Variants in PTPRZ1 observed in about 807,000 individuals in gnomAD.
PTPRZ1 encodes the protein receptor-type tyrosine-protein phosphatase zeta.
PTPRZ1 carries 82 observed loss-of-function variants against 214.1 expected under a neutral mutation model. The observed-to-expected ratio is 0.38, with a 90% CI of 0.32 to 0.46. The LOEUF (loss-of-function observed/expected upper bound fraction) is 0.46. Among genes scored for constraint, PTPRZ1 ranks in the 20% least tolerant of loss-of-function variants. PTPRZ1 has a pLI of 1.00. For synonymous variants in PTPRZ1, 945 were observed against 987.9 expected (o/e 0.96, Z 0.81); for missense variants, 2,603 against 2,748.7 (o/e 0.95, Z 1.19).
chr7:121,892,135 G>A (rs1380511627), intron 1 of PTPRZ1, among the ~76,000 whole-genome samples: 1 of 152,010 alleles, frequency 6.6e-6, no homozygotes, highest in Non-Finnish European at 1.5e-5. Flanking sequence ...TAGCATTTGG[G>A]GTTGGGCTGT....
intron 2 of PTPRZ1, among the ~76,000 whole-genome samples, chr7:121,952,801 G>T (rs1796597244): frequency 6.6e-6 from 1 of 152,142 alleles, no homozygotes; most frequent in Admixed American, 6.5e-5. Flanking sequence ...CTATTGCAAT[G>T]AGTCTATTTG....
At position 122,011,717 on chromosome 7, in the gene PTPRZ1, G is replaced by A. The variant is rs1325643420; in HGVS notation, c.2671G>A (p.Glu891Lys). Residue 891 changes from glutamate (E) to lysine (K), a missense_variant, in exon 12 of 30, where the codon GAA becomes AAA. By Grantham distance (56) the Glu-to-Lys change is moderately conservative (BLOSUM62 1). This residue lies in a region of PTPRZ1 where 1,913 missense variants were observed against 1,914.3 expected (regional missense o/e 1.00). Coordinates refer to ENST00000393386, the MANE Select transcript of PTPRZ1 (RefSeq NM_002851.3). Reference sequence around the variant, plus strand: ...TACTCATGCTGCTTCAGAGACGCTGGAATTTGGTAGTGAATCTGGTGTTCT... The same window carrying A: ...TACTCATGCTGCTTCAGAGACGCTGAAATTTGGTAGTGAATCTGGTGTTCT... ...STTHAASETL[E>K]FGSESGVLYK... 3 of 1,614,004 alleles carry A rather than the reference G, an allele frequency of 1.9e-6. No individual in the cohort carries two copies. Among genetic ancestry groups the A allele is most frequent in the African/African-American group, 1.3e-5 (1 of 74,906 alleles).
At chr7:121,913,223 T>C (rs1795329275) in intron 1 of PTPRZ1, among the ~76,000 whole-genome samples, 3 of 152,020 alleles carry the variant, frequency 2.0e-5, no homozygotes, top group South Asian at 4.1e-4. Context: ...AAGGAGAAAG[T>C]AGAGATACCC....
At chr7:121,971,220 G>A (rs902804117) in intron 3 of PTPRZ1, among the ~76,000 whole-genome samples, 4 of 151,942 alleles carry the variant, frequency 2.6e-5, no homozygotes, top group Non-Finnish European at 5.9e-5. Flanking sequence ...ATTATATATT[G>A]TAAGCAAAAA....
At chr7:121,930,069 G>A (rs1424014001) in intron 2 of PTPRZ1, among the ~76,000 whole-genome samples, 6 of 151,306 alleles carry the variant, frequency 4.0e-5, no homozygotes. Flanking sequence ...TTTTTTATTA[G>A]CCATTTGCAC....
At chr7:121,958,991 T>G (rs1275919205) in intron 2 of PTPRZ1, among the ~76,000 whole-genome samples, 3 of 152,116 alleles carry the variant, frequency 2.0e-5, no homozygotes, top group Admixed American at 1.3e-4. Flanking sequence ...GGCTGGCTAA[T>G]TTTTTGTATT....
At chr7:121,881,670 G>C (rs1403895824) in intron 1 of PTPRZ1, among the ~76,000 whole-genome samples, 2 of 152,156 alleles carry the variant, frequency 1.3e-5, no homozygotes, top group African/African-American at 2.4e-5. Flanking sequence ...CAGCTTCAGA[G>C]TAACCCTAGA....
intron 3 of PTPRZ1, among the ~76,000 whole-genome samples, chr7:121,968,755 G>GT (rs772761519): frequency 6.6e-6 from 1 of 150,494 alleles, no homozygotes; most frequent in East Asian, 1.9e-4. Flanking sequence ...TGATATTCTA[G>GT]TTTTTTTAAA....
intron 1 of PTPRZ1, among the ~76,000 whole-genome samples, chr7:121,875,818 G>C (rs1794041593): frequency 6.6e-6 from 1 of 152,106 alleles, no homozygotes; most frequent in Admixed American, 6.5e-5. Flanking sequence ...AAAAAGTTAG[G>C]CTCCATTTCA....
At position 122,038,774 on chromosome 7, in the gene PTPRZ1, C is replaced by A; in HGVS notation, c.5387C>A (p.Ala1796Asp). 6.2e-7 allele frequency: 1 copy of A among 1,613,646 alleles called. No individual in the cohort carries two copies. Among genetic ancestry groups the A allele is most frequent in the Non-Finnish European group, 8.5e-7 (1 of 1,179,728 alleles). The change falls in exon 19 of 30, where the codon GCT becomes GAT. Residue 1796 changes from alanine to aspartate, a missense_variant. Ala to Asp is a moderately radical substitution (Grantham distance 126). Coordinates refer to ENST00000393386, the MANE Select transcript of PTPRZ1 (RefSeq NM_002851.3). ...CTTCAGGGCTACAACAGACCAAAAG[C>A]TTATATTGCTGCCCAAGGCCCACTG... The part of the protein sequence containing the change: ...NYVDGYNRPK[A>D]YIAAQGPLKS...
intron 13 of PTPRZ1, chr7:122,028,328 T>C (rs921571504): frequency 5.1e-6 from 2 of 389,190 alleles, no homozygotes; most frequent in Non-Finnish European, 9.3e-6. Context: ...ATGCCTGATA[T>C]CTACTTGCTC....
chr7:122,050,494 G>T (rs1792145083), intron 23 of PTPRZ1, among the ~76,000 whole-genome samples: 1 of 151,144 alleles, frequency 6.6e-6, no homozygotes, highest in Non-Finnish European at 1.5e-5. Context: ...GCACAGCAGG[G>T]CATATATTGG....
rs772640844 is a variant in PTPRZ1, at chr7:122,031,519, C to A, written c.5126C>A (p.Ala1709Glu). ...IPIKHFPKHV[A>E]DLHASSGFTE... ...ATAAAGCACTTTCCAAAGCATGTTG[C>A]AGATTTACATGCAAGTAGTGGGTTT... The change falls in exon 15 of 30, where the codon GCA becomes GAA. Residue 1709 changes from alanine (A) to glutamate (E), a missense_variant. By Grantham distance (107) the Ala-to-Glu change is moderately radical. This residue lies in a region of PTPRZ1 where 1,913 missense variants were observed against 1,914.3 expected (regional missense o/e 1.00). Transcript: ENST00000393386. 2.5e-6 allele frequency: 4 copies of A among 1,610,882 alleles called. No individual in the cohort carries two copies. In the South Asian group the frequency reaches 4.4e-5, roughly 18 times the overall value.
intron 1 of PTPRZ1, among the ~76,000 whole-genome samples, chr7:121,914,490 G>T (rs571300596): frequency 6.6e-6 from 1 of 152,280 alleles, no homozygotes. Context: ...GCGTCCGAGT[G>T]TGTGTCCATG....
chr7:121,896,846 A>C (rs149706531), intron 1 of PTPRZ1, among the ~76,000 whole-genome samples: 1 of 151,838 alleles, frequency 6.6e-6, no homozygotes, highest in African/African-American at 2.4e-5. Flanking sequence ...TAAATACTGT[A>C]TGATTCCACT....
intron 1 of PTPRZ1, among the ~76,000 whole-genome samples, chr7:121,913,717 G>T (rs1795340728): frequency 6.6e-6 from 1 of 151,818 alleles, no homozygotes; most frequent in Admixed American, 6.6e-5. Context: ...TACCTTAGCA[G>T]GTATGGGGGA....
chr7:121,879,924 T>C (rs988586050), intron 1 of PTPRZ1, among the ~76,000 whole-genome samples: 1 of 152,152 alleles, frequency 6.6e-6, no homozygotes, highest in African/African-American at 2.4e-5. Flanking sequence ...TTCACTTTCT[T>C]TTAGCATGAG....
At position 122,042,763 on chromosome 7, in the gene PTPRZ1, GATTTT is replaced by G. The variant is rs1562878761; in HGVS notation, c.5937+24_5937+28del. 6.3e-7 allele frequency: 1 copy of G among 1,599,434 alleles called. No individual in the cohort carries two copies. Among genetic ancestry groups the G allele is most frequent in the Non-Finnish European group, 8.6e-7 (1 of 1,167,372 alleles). The stretch of plus-strand genomic sequence containing the variant: ...ACTGAGGTATGATTTTTAAAAAGAT[GATTTT>G]ATTCATCTAAGGTATGGAAATGTCA... On this transcript the variant is annotated intron_variant, in intron 22 of 29. Transcript: ENST00000393386.
chr7:122,044,489 A>G lies in PTPRZ1; in HGVS notation c.6005A>G (p.Asp2002Gly), dbSNP rs1799822492. Residue 2002 changes from aspartate (D) to glycine (G), a missense_variant, in exon 23 of 30, where the codon GAC (aspartate) becomes GGC (glycine). This residue lies in a region of PTPRZ1 where 1,913 missense variants were observed against 1,914.3 expected (regional missense o/e 1.00). Coordinates refer to ENST00000393386, the MANE Select transcript of PTPRZ1 (RefSeq NM_002851.3). ...CTTAGTAAAGAAACTGAGGTGCTGGACAGTCATATTCATGCCTATGTTAAT... is the reference window on the plus strand; with the variant it reads ...CTTAGTAAAGAAACTGAGGTGCTGGGCAGTCATATTCATGCCTATGTTAAT... ...AILSKETEVLDSHIHAYVNAL... is the reference protein window; with the variant it reads ...AILSKETEVLGSHIHAYVNAL... 6.2e-7 allele frequency: 1 copy of G among 1,613,934 alleles called. No individual in the cohort carries two copies. The highest frequency in any genetic ancestry group is 8.5e-7 in the Non-Finnish European group (1 of 1,179,826).
Sources: allele counts gnomAD v4.1 joint callset (sites outside exome capture counted in the v4.1 genomes callset), GRCh38; gene constraint gnomAD v4.1.1; regional missense constraint gnomAD v4.1.1; transcripts MANE v1.5; gene names NCBI Gene and HGNC (gene_info 2026-07-23, HGNC 2026-07-21).